Variants in MANSC4 observed in about 807,000 individuals in gnomAD.
MANSC4 encodes the protein MANSC domain containing 4, also known as MANSC domain-containing protein 4.
MANSC4 carries 11 observed loss-of-function variants against 11.4 expected under a neutral mutation model. The observed-to-expected ratio is 0.97, with a 90% CI of 0.61 to 1.60. The LOEUF (loss-of-function observed/expected upper bound fraction) is 1.60. Among genes scored for constraint, MANSC4 ranks in the 40% most tolerant of loss-of-function variants. The probability of loss-of-function intolerance (pLI) is 0.00; values close to 1 mark genes in which losing one functional copy is unlikely to be tolerated. For missense variants in MANSC4, 354 were observed against 404.6 expected (o/e 0.88, Z 1.07); for synonymous variants, 123 against 147.1 (o/e 0.84, Z 1.19).
chr12:27,767,300 A>AT (rs2062076442), intron 2 of MANSC4, among the ~76,000 whole-genome samples: 1 of 152,100 alleles, frequency 6.6e-6, no homozygotes, highest in Admixed American at 6.6e-5. Flanking sequence ...TAAAATACTG[A>AT]TTTTCTCAAA....
intron 2 of MANSC4, among the ~76,000 whole-genome samples, chr12:27,769,294 G>A (rs948617562): frequency 6.6e-6 from 1 of 152,298 alleles, no homozygotes; most frequent in East Asian, 1.9e-4. Flanking sequence ...TTTGAAACAT[G>A]TTTTACATTC....
At chr12:27,774,727 A>G (rs910092622) in intron 1 of MANSC4, among the ~76,000 whole-genome samples, 2 of 152,210 alleles carry the variant, frequency 1.3e-5, no homozygotes. Context: ...GCAGAAATAG[A>G]AAATAAAAAG....
In MANSC4 at chr12:27,778,565, T is replaced by A. The variant is rs71452067; in HGVS notation, c.-307+1645A>T. 2.0e-3 allele frequency among the ~76,000 whole-genome samples: 292 copies of A among 142,906 alleles called. 3 individuals carry two copies. The highest frequency in any genetic ancestry group is 2.3e-3 in the Non-Finnish European group (149 of 64,488). 93.8% of individuals were successfully genotyped at this position (142,906 alleles called of 152,430 possible). A position where few individuals can be genotyped will look rare whatever the true frequency, so the allele number is the denominator to read the frequency against. ...AGAAGAAAGCTGAAGCTTGTAATAA[T>A]AAAAAAAAAAACCAAACACATATTC... On this transcript the variant is annotated intron_variant, in intron 1 of 3. Coordinates refer to ENST00000381273, the MANE Select transcript of MANSC4 (RefSeq NM_001146221.5).
rs544306849 is a variant in MANSC4, at chr12:27,775,436, G to A, written c.-306-3854C>T. 1.1e-4 allele frequency among the ~76,000 whole-genome samples: 17 copies of A among 152,252 alleles called. No homozygotes were observed. The East Asian group carries it at 1.7e-3, about 16-fold the overall frequency. On this transcript the variant is annotated intron_variant, in intron 1 of 3. Coordinates refer to ENST00000381273, the MANE Select transcript of MANSC4 (RefSeq NM_001146221.5). ...TCTACAAAATTTTAAAAAATTAGCC[G>A]GTTGAGGTGGGGCCCATGAGGTTGA...
At chr12:27,771,845 T>C (rs2062102083) in intron 1 of MANSC4, among the ~76,000 whole-genome samples, 2 of 152,120 alleles carry the variant, frequency 1.3e-5, no homozygotes, top group Non-Finnish European at 2.9e-5. Flanking sequence ...TCACCAAAAA[T>C]AATTTTTTTG....
intron 2 of MANSC4, among the ~76,000 whole-genome samples, chr12:27,769,772 C>A (rs1269731935): frequency 1.3e-5 from 2 of 152,104 alleles, no homozygotes; most frequent in Non-Finnish European, 2.9e-5. Context: ...TGGAAATTAA[C>A]AAGTTGATAT....
At chr12:27,770,817 G>A (rs1345826200) in intron 2 of MANSC4, among the ~76,000 whole-genome samples, 1 of 152,082 alleles carries the variant, frequency 6.6e-6, no homozygotes, top group Admixed American at 6.6e-5. Flanking sequence ...TTTCCTGTAG[G>A]TGCTATCAAA....
chr12:27,766,074 T>TTC (rs879684526), intron 3 of MANSC4, among the ~76,000 whole-genome samples: 1 of 99,194 alleles, frequency 1.0e-5, no homozygotes, highest in African/African-American at 2.9e-5. Context: ...CCACAGGACC[T>TTC]TTTTTTTTTT....
intron 2 of MANSC4, among the ~76,000 whole-genome samples, chr12:27,768,402 C>CAAAAAA (rs201953091): frequency 1.0e-4 from 11 of 109,634 alleles, no homozygotes; most frequent in African/African-American, 1.5e-4. Context: ...GACTCTGTCT[C>CAAAAAA]AAAAAAAAAA....
At chr12:27,768,204 C>G (rs910654977) in intron 2 of MANSC4, among the ~76,000 whole-genome samples, 1 of 151,224 alleles carries the variant, frequency 6.6e-6, no homozygotes, top group African/African-American at 2.4e-5. Flanking sequence ...TCGAGACCAG[C>G]CCGGCCAACA....
intron 1 of MANSC4, among the ~76,000 whole-genome samples, chr12:27,773,634 A>C (rs2062108519): frequency 6.6e-6 from 1 of 152,242 alleles, no homozygotes; most frequent in South Asian, 2.1e-4. Context: ...TGTTGAGTGG[A>C]GAGTGACATT....
intron 3 of MANSC4, 107 bp downstream of exon 3, chr12:27,766,558 T>G (rs9668702): frequency 0.21 from 255,754 of 1,233,300 alleles, 28,400 homozygotes; most frequent in Non-Finnish European, 0.23. Flanking sequence ...GGAAAATAAT[T>G]ATTTTAGGGA....
At chr12:27,765,650 GT>G (rs2062069353) in intron 3 of MANSC4, among the ~76,000 whole-genome samples, 1 of 152,090 alleles carries the variant, frequency 6.6e-6, no homozygotes, top group South Asian at 2.1e-4. Flanking sequence ...GTATTTAGTT[GT>G]GTCTTAACAA....
chr12:27,763,914 G>T (rs1208574968), intron 3 of MANSC4, among the ~76,000 whole-genome samples: 1 of 151,114 alleles, frequency 6.6e-6, no homozygotes, highest in African/African-American at 2.5e-5. Context: ...TATTTTTTTT[G>T]TAGAGATGGA....
chr12:27,772,729 AAGGGAT>A (rs2062105687), intron 1 of MANSC4, among the ~76,000 whole-genome samples: 1 of 152,200 alleles, frequency 6.6e-6, no homozygotes, highest in African/African-American at 2.4e-5. Context: ...CATCTGTTTG[AAGGGAT>A]AGGGAAGAGA....
intron 1 of MANSC4, among the ~76,000 whole-genome samples, chr12:27,773,140 C>T (rs575886734): frequency 1.1e-4 from 17 of 152,170 alleles, no homozygotes; most frequent in African/African-American, 3.4e-4. Context: ...CCTAGGAGTT[C>T]GAGACCAGCC....
chr12:27,767,173 G>A (rs1249595587), intron 2 of MANSC4, among the ~76,000 whole-genome samples: 1 of 151,838 alleles, frequency 6.6e-6, no homozygotes, highest in Admixed American at 6.6e-5. Context: ...TAGAGGCAGG[G>A]TTTCACCATG....
intron 1 of MANSC4, among the ~76,000 whole-genome samples, chr12:27,777,649 G>GT (rs1190590899): frequency 6.6e-6 from 1 of 152,192 alleles, no homozygotes; most frequent in Non-Finnish European, 1.5e-5. Flanking sequence ...AGAGATGAAT[G>GT]TTTTTTATAG....
At chr12:27,779,295 A>T (rs1359993584) in intron 1 of MANSC4, among the ~76,000 whole-genome samples, 1 of 152,236 alleles carries the variant, frequency 6.6e-6, no homozygotes, top group Admixed American at 6.5e-5. Flanking sequence ...CTTTTGCGCC[A>T]GGATAACATT....
Sources: allele counts gnomAD v4.1 joint callset (sites outside exome capture counted in the v4.1 genomes callset), GRCh38; gene constraint gnomAD v4.1.1; transcripts MANE v1.5; gene names NCBI Gene and HGNC (gene_info 2026-07-23, HGNC 2026-07-21).